The following UGT1A8 variants were observed in gnomAD, a reference collection of about 807,000 sequenced individuals.
UGT1A8 encodes the protein UDP glucuronosyltransferase family 1 member A8.
In UGT1A8, 39 loss-of-function variants were observed where a neutral mutation model predicts 45.3. That is an observed-to-expected ratio of 0.86 (90% CI 0.67 to 1.12). UGT1A8 has a LOEUF of 1.12. Ranked by LOEUF, UGT1A8 falls within the 50% of genes most tolerant of loss-of-function variation. UGT1A8 has a pLI of 0.00. For missense variants in UGT1A8, 719 were observed against 664.9 expected, an observed-to-expected ratio of 1.08 and a Z score of -0.90; for synonymous variants, 275 against 249.2, an observed-to-expected ratio of 1.10 and a Z score of -0.97.
rs565921734 is a variant in UGT1A8 at position 233,700,988 on chromosome 2, C to T, written c.856-66046C>T. ...TGCGGTGTTTGATTTTTTGTCCTTG[C>T]GATAGTTTGCTGAGAATGATGGTTT... On this transcript the variant is annotated intron_variant, in intron 1 of 4. Transcript: ENST00000373450. Among the ~76,000 whole-genome samples, 641 of 151,872 alleles carry T rather than the reference C, an allele frequency of 4.2e-3. 4 individuals carry two copies. The highest frequency in any genetic ancestry group is 7.5e-3 in the Non-Finnish European group (513 of 67,974).
intron 1 of UGT1A8, chr2:233,752,671 G>C (rs764603463): frequency 6.6e-6 from 1 of 152,170 alleles, no homozygotes; most frequent in Non-Finnish European, 1.5e-5. Flanking sequence ...AGGATCACTT[G>C]AGCCCAGAAA....
chr2:233,626,849 T>G (rs1283132477), intron 1 of UGT1A8, among the ~76,000 whole-genome samples: 2 of 152,096 alleles, frequency 1.3e-5, no homozygotes, highest in Non-Finnish European at 2.9e-5. Flanking sequence ...TGGCTAGCAT[T>G]GTCCAATATC....
intron 1 of UGT1A8, among the ~76,000 whole-genome samples, chr2:233,671,520 A>G (rs2074191114): frequency 6.6e-6 from 1 of 152,186 alleles, no homozygotes; most frequent in Admixed American, 6.5e-5. Flanking sequence ...CTCTGGACAG[A>G]GAGTATTTGG....
intron 1 of UGT1A8, among the ~76,000 whole-genome samples, chr2:233,631,955 T>C (rs896302272): frequency 1.3e-5 from 2 of 152,228 alleles, no homozygotes; most frequent in Admixed American, 1.3e-4. Context: ...TTCTAGAGTT[T>C]TCATGGTTTT....
intron 1 of UGT1A8, among the ~76,000 whole-genome samples, chr2:233,641,967 T>C (rs780802281): frequency 2.0e-5 from 3 of 152,184 alleles, no homozygotes; most frequent in African/African-American, 4.8e-5. Context: ...GTTTGATTAT[T>C]AAATGCCTTG....
chr2:233,679,206 G>A (rs35984508), intron 1 of UGT1A8, among the ~76,000 whole-genome samples: 57,710 of 151,654 alleles, frequency 0.38, 11,278 homozygotes, highest in African/African-American at 0.45. Context: ...GAACTTGTGG[G>A]TTCTGGGTGG....
chr2:233,622,710 T>C (rs1350288040), intron 1 of UGT1A8, among the ~76,000 whole-genome samples: 1 of 152,240 alleles, frequency 6.6e-6, no homozygotes, highest in Non-Finnish European at 1.5e-5. Context: ...TCTTTTGCTG[T>C]GCAGAAGCTC....
intron 1 of UGT1A8, among the ~76,000 whole-genome samples, chr2:233,625,215 A>G (rs567898227): frequency 6.6e-6 from 1 of 152,272 alleles, no homozygotes; most frequent in South Asian, 2.1e-4. Flanking sequence ...TCATCAGAGA[A>G]ATGAAAGTCA....
chr2:233,673,020 T>C (rs2074248556), intron 1 of UGT1A8, among the ~76,000 whole-genome samples: 1 of 152,228 alleles, frequency 6.6e-6, no homozygotes, highest in Admixed American at 6.5e-5. Context: ...ATATTCAGCC[T>C]ACATTTTTAA....
At chr2:233,747,897 G>T in intron 1 of UGT1A8, 2 of 1,613,482 alleles carry the variant, frequency 1.2e-6, no homozygotes, top group Non-Finnish European at 1.7e-6. Flanking sequence ...TGCTCTTTCT[G>T]CTCCTTATGC....
chr2:233,737,993 C>T (rs1690655503), intron 1 of UGT1A8, among the ~76,000 whole-genome samples: 1 of 151,916 alleles, frequency 6.6e-6, no homozygotes, highest in African/African-American at 2.4e-5. Flanking sequence ...GCTCTGTGTC[C>T]CCCACCAAAT....
chr2:233,680,628 G>A (rs1444345602), intron 1 of UGT1A8, among the ~76,000 whole-genome samples: 1 of 152,162 alleles, frequency 6.6e-6, no homozygotes, highest in Non-Finnish European at 1.5e-5. Flanking sequence ...CCAATGCAAT[G>A]AGAATTCCCA....
At chr2:233,754,812 C>T in intron 1 of UGT1A8, 1 of 1,317,570 alleles carries the variant, frequency 7.6e-7, no homozygotes. Context: ...AGAAGAAAAA[C>T]CACCCTCAAA....
chr2:233,763,843 G>A (rs1698410988), intron 1 of UGT1A8, among the ~76,000 whole-genome samples: 1 of 152,204 alleles, frequency 6.6e-6, no homozygotes, highest in Non-Finnish European at 1.5e-5. Context: ...GGGTAAGATA[G>A]CAGTGGTTCA....
intron 1 of UGT1A8, among the ~76,000 whole-genome samples, chr2:233,700,609 T>G (rs901361288): frequency 9.9e-5 from 15 of 152,150 alleles, no homozygotes; most frequent in Non-Finnish European, 7.4e-5. Context: ...ACTCTTTTTT[T>G]GGGGGGGTTC....
intron 1 of UGT1A8, among the ~76,000 whole-genome samples, chr2:233,695,260 G>A (rs2075276345): frequency 6.6e-6 from 1 of 151,658 alleles, no homozygotes; most frequent in Non-Finnish European, 1.5e-5. Context: ...TGAGTAGCTG[G>A]GACTATAGGC....
Position 233,618,471 on chromosome 2 carries a change from C to G in UGT1A8, c.764C>G (p.Thr255Arg). The G allele has an allele frequency of 1.2e-6, 2 of 1,613,928 alleles. No individual in the cohort carries two copies. The highest frequency in any genetic ancestry group is 1.7e-6 in the Non-Finnish European group (2 of 1,179,828). The change falls in exon 1 of 5, where the codon ACA (threonine) becomes AGA (arginine). Residue 255 changes from threonine to arginine, a missense_variant. Transcript: ENST00000373450. Reference protein sequence around the residue: ...YSHTSIWLLRTDFVLDYPKPV... With the variant: ...YSHTSIWLLRRDFVLDYPKPV... ...CACACATCAATTTGGTTGTTGCGAACAGACTTTGTTTTGGACTATCCCAAA... is the reference window on the plus strand; with the variant it reads ...CACACATCAATTTGGTTGTTGCGAAGAGACTTTGTTTTGGACTATCCCAAA...
intron 1 of UGT1A8, among the ~76,000 whole-genome samples, chr2:233,752,840 A>G (rs1357477181): frequency 6.6e-6 from 1 of 152,242 alleles, no homozygotes; most frequent in African/African-American, 2.4e-5. Flanking sequence ...AATCTAGGAT[A>G]TATCAAAATT....
In UGT1A8 at chr2:233,772,377, C is replaced by T. The variant is rs72551359; in HGVS notation, c.1411C>T (p.Leu471=). The T allele has an allele frequency of 6.2e-7, 1 of 1,614,256 alleles. No homozygotes were observed. Among genetic ancestry groups the T allele is most frequent in the Non-Finnish European group, 8.5e-7 (1 of 1,180,050 alleles). The change falls in exon 5 of 5, where the codon CTG becomes TTG. Residue 471 remains leucine (L), a synonymous_variant. Coordinates refer to ENST00000373450, the MANE Select transcript of UGT1A8 (RefSeq NM_019076.5). The stretch of plus-strand genomic sequence containing the variant: ...GATGAGGCACAAGGGCGCGCCACAC[C>T]TGCGCCCCGCAGCCCACGACCTCAC... ...FVMRHKGAPH[L]RPAAHDLTWY...
Sources: allele counts gnomAD v4.1 joint callset (sites outside exome capture counted in the v4.1 genomes callset), GRCh38; gene constraint gnomAD v4.1.1; transcripts MANE v1.5; gene names NCBI Gene and HGNC (gene_info 2026-07-23, HGNC 2026-07-21).